SLC22A23: variants seen among roughly 807,000 people sequenced by gnomAD.
The protein encoded by SLC22A23 is ion transporter protein.
A neutral mutation model predicts 61.0 loss-of-function variants in SLC22A23; 26 were observed. That is an observed-to-expected ratio of 0.43 (90% CI 0.31 to 0.59). The LOEUF (loss-of-function observed/expected upper bound fraction) is 0.59. Among genes scored for constraint, SLC22A23 ranks in the 20% least tolerant of loss-of-function variants. SLC22A23 has a pLI of 0.11. For synonymous variants in SLC22A23, 430 were observed against 413.9 expected (o/e 1.04, Z -0.47); for missense variants, 796 against 934.7 (o/e 0.85, Z 1.94).
rs143051790 is a variant in SLC22A23 at position 3,312,536 on chromosome 6, T to C, written c.1082+11298A>G. The C allele has an allele frequency of 2.6e-4, 39 of 152,066 alleles. 1 individual carries two copies. Among genetic ancestry groups the C allele is most frequent in the Admixed American group, 2.4e-3 (36 of 15,292 alleles). The allele number at this position is 152,066 out of a possible 1,614,324, so 9.4% of individuals were successfully genotyped here. On this transcript the variant is annotated intron_variant, in intron 4 of 9. Transcript: ENST00000406686. ...GCCTCACCTCCTACTCACCTCCTAA[T>C]GAAACAAGTCGCGACACCTTAGCCA...
rs1304062224 is a variant in SLC22A23 at position 3,286,354 on chromosome 6, C to T, written c.1546+505G>A. On this transcript the variant is annotated intron_variant, in intron 7 of 9. Coordinates refer to ENST00000406686, the MANE Select transcript of SLC22A23 (RefSeq NM_015482.2). The surrounding 1 kb of genome is among the most constrained non-coding windows in gnomAD (Gnocchi z 4.2). ...TGACCTCATGATCCGACCGCCTCAGCCTCCCAAAGTGCTGGGATTACAGGC... is the reference window on the plus strand; with the variant it reads ...TGACCTCATGATCCGACCGCCTCAGTCTCCCAAAGTGCTGGGATTACAGGC... Among the ~76,000 whole-genome samples, 1 of 152,188 alleles carries T rather than the reference C, an allele frequency of 6.6e-6. No homozygotes were observed. Among genetic ancestry groups the T allele is most frequent in the Non-Finnish European group, 1.5e-5 (1 of 68,038 alleles).
intron 9 of SLC22A23, among the ~76,000 whole-genome samples, chr6:3,275,251 A>G (rs1430495313): frequency 6.6e-6 from 1 of 152,220 alleles, no homozygotes; most frequent in Non-Finnish European, 1.5e-5. Context: ...TGCTGGGACA[A>G]CAGGATATTC....
intron 5 of SLC22A23, among the ~76,000 whole-genome samples, chr6:3,294,312 T>C (rs1332612614): frequency 6.6e-6 from 1 of 152,208 alleles, no homozygotes; most frequent in East Asian, 1.9e-4. Flanking sequence ...ATTACTACCA[T>C]TTGAGATTCT....
chr6:3,371,157 GAAGAT>G (rs1280628582), intron 3 of SLC22A23, among the ~76,000 whole-genome samples: 2 of 152,226 alleles, frequency 1.3e-5, no homozygotes, highest in Non-Finnish European at 2.9e-5. Context: ...ACCAAGTGTG[GAAGAT>G]AAGATAAATA....
chr6:3,358,822 A>C (rs1478672326), intron 3 of SLC22A23, among the ~76,000 whole-genome samples: 1 of 152,228 alleles, frequency 6.6e-6, no homozygotes, highest in East Asian at 1.9e-4. Context: ...AAGGAGTCAC[A>C]GCTCCAGTGA....
At chr6:3,376,279 C>G (rs1052075784) in intron 3 of SLC22A23, among the ~76,000 whole-genome samples, 1 of 152,212 alleles carries the variant, frequency 6.6e-6, no homozygotes, top group African/African-American at 2.4e-5. Flanking sequence ...AGCAACGCAT[C>G]TGCCCATTGC....
chr6:3,323,682 A>G, intron 4 of SLC22A23, 152 bp downstream of exon 4: 1 of 895,382 alleles, frequency 1.1e-6, no homozygotes, highest in Non-Finnish European at 1.7e-6. Context: ...TTAAACAATA[A>G]AATTTTTTAA....
chr6:3,405,160 G>A (rs11242855), intron 3 of SLC22A23, among the ~76,000 whole-genome samples: 31,396 of 151,788 alleles, frequency 0.21, 3,312 homozygotes, highest in Middle Eastern at 0.25. Context: ...ACTTGGGAGG[G>A]TGAGGCAGGA....
intron 3 of SLC22A23, among the ~76,000 whole-genome samples, chr6:3,385,322 G>C (rs1251995687): frequency 6.6e-5 from 10 of 152,122 alleles, no homozygotes; most frequent in African/African-American, 2.2e-4. Context: ...AGACCAGCCT[G>C]GCCAACACAG....
intron 8 of SLC22A23, 199 bp downstream of exon 8, chr6:3,284,880 G>C: frequency 2.0e-6 from 3 of 1,531,540 alleles, no homozygotes; most frequent in Non-Finnish European, 2.6e-6. Context: ...GGAAGCACCA[G>C]TCGCTCTTTC....
Position 3,324,302 on chromosome 6 carries a change from C to T in SLC22A23, c.914-300G>A, listed in dbSNP as rs114817397. 2.7e-3 allele frequency: 912 copies of T among 343,824 alleles called. 7 individuals are homozygous for T. The highest frequency in any genetic ancestry group is 0.016 in the African/African-American group (786 of 49,020). 21.3% of individuals were successfully genotyped at this position (343,824 alleles called of 1,614,324 possible). A position where few individuals can be genotyped will look rare whatever the true frequency, so the allele number is the denominator to read the frequency against. ...AAATGGTACTGCCTATGGGACAGAT[C>T]GCCCATTGTTCCTGCTTCCTCTGCT... On this transcript the variant is annotated intron_variant, in intron 3 of 9. Transcript: ENST00000406686. The surrounding 1 kb of genome is among the most constrained non-coding windows in gnomAD (Gnocchi z 4.3).
At chr6:3,409,896 C>T (rs969648081) in intron 3 of SLC22A23, among the ~76,000 whole-genome samples, 3 of 152,110 alleles carry the variant, frequency 2.0e-5, no homozygotes, top group Non-Finnish European at 2.9e-5. Flanking sequence ...TGAAGAAAAC[C>T]GAAAGCCTCT....
chr6:3,302,685 T>TCA (rs1012518640), intron 4 of SLC22A23, among the ~76,000 whole-genome samples: 20 of 152,350 alleles, frequency 1.3e-4, no homozygotes, highest in African/African-American at 4.8e-4. Context: ...ATTTCTTCCT[T>TCA]CACCCATTGG....
chr6:3,430,185 C>T (rs149013731), intron 1 of SLC22A23, among the ~76,000 whole-genome samples: 1 of 152,350 alleles, frequency 6.6e-6, no homozygotes, highest in East Asian at 1.9e-4. Context: ...CAGCAGAAAG[C>T]ACAGTTGTCT....
chr6:3,419,226 C>T (rs1014348279), intron 1 of SLC22A23, among the ~76,000 whole-genome samples: 1 of 152,186 alleles, frequency 6.6e-6, no homozygotes. Context: ...AAATCAATCA[C>T]CAATTCCAGC....
At chr6:3,385,998 G>T (rs964605458) in intron 3 of SLC22A23, among the ~76,000 whole-genome samples, 1 of 152,134 alleles carries the variant, frequency 6.6e-6, no homozygotes, top group South Asian at 2.1e-4. Context: ...CCCAAGCCCC[G>T]CATTTGAGCA....
chr6:3,376,741 G>C (rs745818685), intron 3 of SLC22A23, among the ~76,000 whole-genome samples: 4 of 152,170 alleles, frequency 2.6e-5, no homozygotes, highest in African/African-American at 9.7e-5. Flanking sequence ...TCGTAGACTA[G>C]CTGGAGTGAG....
chr6:3,366,201 C>T (rs1765802698), intron 3 of SLC22A23, among the ~76,000 whole-genome samples: 2 of 151,808 alleles, frequency 1.3e-5, no homozygotes, highest in African/African-American at 4.8e-5. Flanking sequence ...GGCATGGTGG[C>T]ATGCACCTGT....
At chr6:3,449,723 G>A (rs1288361328) in intron 1 of SLC22A23, among the ~76,000 whole-genome samples, 2 of 152,168 alleles carry the variant, frequency 1.3e-5, no homozygotes, top group African/African-American at 4.8e-5. Context: ...TAGTATAATT[G>A]TGCATAGCTA....
Sources: gnomAD v4.1 joint callset for allele counts (sites outside exome capture counted in the v4.1 genomes callset) on GRCh38, gnomAD v4.1.1 for gene constraint, Gnocchi (gnomAD v3.1) non-coding constraint, MANE v1.5 for transcripts, NCBI Gene and HGNC (gene_info 2026-07-23, HGNC 2026-07-21) for gene names.